Variants in EXOC5 observed in about 807,000 individuals in gnomAD.
EXOC5 encodes the protein SEC10-like 1.
Under a neutral mutation model 90.8 loss-of-function variants are expected in EXOC5, and 17 were observed. The ratio of observed to expected loss-of-function variants is 0.19; its 90% CI spans 0.13 to 0.28. The LOEUF is 0.28. EXOC5 is among the 10% of genes least tolerant of loss of function. EXOC5 has a pLI of 1.00. For synonymous variants in EXOC5, 260 were observed against 270.0 expected, an observed-to-expected ratio of 0.96 and a Z score of 0.36; for missense variants, 569 against 830.6, an observed-to-expected ratio of 0.69 and a Z score of 3.87.
At chr14:57,241,180 G>C (rs1209021495) in intron 4 of EXOC5, among the ~76,000 whole-genome samples, 1 of 152,134 alleles carries the variant, frequency 6.6e-6, no homozygotes, top group East Asian at 1.9e-4. Context: ...AAGTAGGCAT[G>C]TGAACTCTGA....
At position 57,261,366 on chromosome 14, in the gene EXOC5, A is replaced by G. The variant is rs112916940; in HGVS notation, c.27+7256T>C. Among the ~76,000 whole-genome samples the G allele has an allele frequency of 5.0e-4, 76 of 152,344 alleles. 1 individual carries two copies. The highest frequency in any genetic ancestry group is 1.8e-3 in the African/African-American group (73 of 41,580). On this transcript the variant is annotated intron_variant, in intron 1 of 17. Transcript: ENST00000621441. The stretch of plus-strand genomic sequence containing the variant: ...GATTAATTACACACATGTGCAGTCT[A>G]TAATACTGTCCTCAATTTAATGACT...
chr14:57,239,671 T>A lies in EXOC5; in HGVS notation c.466-12A>T. ...GCTGCTTCCTTTATCTATGAAAAAATAAATAAAAGCAATAATTTAAAAAAC... is the reference window on the plus strand; with the variant it reads ...GCTGCTTCCTTTATCTATGAAAAAAAAAATAAAAGCAATAATTTAAAAAAC... On this transcript the variant is annotated splice_polypyrimidine_tract_variant and intron_variant, in intron 4 of 17. Coordinates refer to ENST00000621441, the MANE Select transcript of EXOC5 (RefSeq NM_006544.4). The A allele has an allele frequency of 1.3e-6, 2 of 1,486,298 alleles. No individual in the cohort carries two copies. Among genetic ancestry groups the A allele is most frequent in the Non-Finnish European group, 1.8e-6 (2 of 1,109,190 alleles). The allele number at this position is 1,486,298 out of a possible 1,614,324, so 92.1% of individuals were successfully genotyped here. A position where few individuals can be genotyped will look rare whatever the true frequency, so the allele number is the denominator to read the frequency against.
chr14:57,253,216 T>G (rs1489753344), intron 1 of EXOC5, among the ~76,000 whole-genome samples: 2 of 152,116 alleles, frequency 1.3e-5, no homozygotes, highest in Admixed American at 1.3e-4. Context: ...ACTGAAAAAT[T>G]AGTTGCCATT....
At chr14:57,239,443 CAA>C (rs1883787849) in intron 5 of EXOC5, 150 bp downstream of exon 5, 1 of 578,724 alleles carries the variant, frequency 1.7e-6, no homozygotes, top group Admixed American at 3.6e-5. Context: ...GCATCTTGTA[CAA>C]AGTGAATAAA....
chr14:57,213,375 A>G (rs954994983), intron 15 of EXOC5, among the ~76,000 whole-genome samples: 1 of 151,688 alleles, frequency 6.6e-6, no homozygotes, highest in African/African-American at 2.4e-5. Flanking sequence ...GAGCAAGATC[A>G]TATCTCTAAA....
Position 57,268,783 on chromosome 14 carries a change from C to T in EXOC5, c.-135G>A. ...GGGCCGCTGCGGGCTCCCCAGCTCC[C>T]CACAGATCCCAGGAGGGGCGGGAGA... On this transcript the variant is annotated 5_prime_UTR_variant, in exon 1 of 18. Coordinates refer to ENST00000621441, the MANE Select transcript of EXOC5 (RefSeq NM_006544.4). 1 of 1,432,292 alleles carries T rather than the reference C, an allele frequency of 7.0e-7. No homozygotes were observed. The highest frequency in any genetic ancestry group is 9.1e-7 in the Non-Finnish European group (1 of 1,099,758). The allele number at this position is 1,432,292 out of a possible 1,614,324, so 88.7% of individuals were successfully genotyped here.
At position 57,251,093 on chromosome 14, in the gene EXOC5, T is replaced by C. The variant is rs573517273; in HGVS notation, c.28-3381A>G. Among the ~76,000 whole-genome samples the C allele has an allele frequency of 7.9e-5, 12 of 152,296 alleles. 1 individual carries two copies. The South Asian group carries it at 1.0e-3, about 13-fold the overall frequency. On this transcript the variant is annotated intron_variant, in intron 1 of 17. Coordinates refer to ENST00000621441, the MANE Select transcript of EXOC5 (RefSeq NM_006544.4). ...AGAATCTTTCTATTTTGGAACTCTG[T>C]AGGCTAGTGAAGGCTTATATCTTCC...
chr14:57,233,159 C>G (rs1001950191), intron 9 of EXOC5: 3 of 154,086 alleles, frequency 1.9e-5, no homozygotes, highest in East Asian at 1.9e-4. Flanking sequence ...GTTTCTTAGA[C>G]AGTAAATGTG....
rs980846117 is a variant in EXOC5, at chr14:57,229,699, C to T, written c.1296+35G>A. ...ATTCCCCACAGATATCAAGGAACAACTGTATATGTAAAATACATTTACAAT... is the reference window on the plus strand; with the variant it reads ...ATTCCCCACAGATATCAAGGAACAATTGTATATGTAAAATACATTTACAAT... On this transcript the variant is annotated intron_variant, in intron 12 of 17. Transcript: ENST00000621441. 1.0e-5 allele frequency: 14 copies of T among 1,391,562 alleles called. No individual in the cohort carries two copies. In the African/African-American group the frequency reaches 1.7e-4, roughly 17 times the overall value. 86.2% of individuals were successfully genotyped at this position (1,391,562 alleles called of 1,614,324 possible).
intron 15 of EXOC5, chr14:57,211,755 C>G (rs961048886): frequency 7.3e-5 from 11 of 151,438 alleles, no homozygotes; most frequent in African/African-American, 2.2e-4. Flanking sequence ...TGCCAGTAGT[C>G]CCAGCTACTC....
intron 1 of EXOC5, among the ~76,000 whole-genome samples, chr14:57,251,223 T>C (rs1884181355): frequency 1.3e-5 from 2 of 152,270 alleles, no homozygotes; most frequent in East Asian, 3.9e-4. Flanking sequence ...CAGAGTGCTG[T>C]CCAAAAATTC....
chr14:57,241,737 C>T (rs1883863811), intron 4 of EXOC5, among the ~76,000 whole-genome samples: 1 of 152,054 alleles, frequency 6.6e-6, no homozygotes, highest in Non-Finnish European at 1.5e-5. Flanking sequence ...TAGTTATTGA[C>T]ATTTGGGTGA....
intron 3 of EXOC5, 111 bp from the exon 4 acceptor site, chr14:57,244,470 A>T: frequency 1.3e-6 from 1 of 787,994 alleles, no homozygotes; most frequent in South Asian, 1.6e-5. Flanking sequence ...ATACGAGATG[A>T]TCTACAAAAT....
chr14:57,259,734 C>A (rs1275368283), intron 1 of EXOC5, among the ~76,000 whole-genome samples: 1 of 152,192 alleles, frequency 6.6e-6, no homozygotes, highest in East Asian at 1.9e-4. Flanking sequence ...CAACACAGAA[C>A]ATTACTAATT....
Position 57,205,807 on chromosome 14 carries a change from T to C in EXOC5, c.*2802A>G. The C allele has an allele frequency of 2.3e-6, 1 of 431,804 alleles. No individual in the cohort carries two copies. Among genetic ancestry groups the C allele is most frequent in the Middle Eastern group, 3.4e-4 (1 of 2,946 alleles). The allele number at this position is 431,804 out of a possible 1,614,324, so 26.7% of individuals were successfully genotyped here. On this transcript the variant is annotated 3_prime_UTR_variant, in exon 18 of 18. Coordinates refer to ENST00000621441, the MANE Select transcript of EXOC5 (RefSeq NM_006544.4). ...TAACCTAATTTAAATTAGATTTTAATTTAACCTACTTTGATAGTTTTTTAA... is the reference window on the plus strand; with the variant it reads ...TAACCTAATTTAAATTAGATTTTAACTTAACCTACTTTGATAGTTTTTTAA...
intron 1 of EXOC5, among the ~76,000 whole-genome samples, chr14:57,263,985 A>G (rs2139673894): frequency 1.3e-5 from 2 of 152,252 alleles, no homozygotes; most frequent in Middle Eastern, 6.8e-3. Context: ...TTACTAAATG[A>G]AACCTTTCCT....
At chr14:57,220,450 T>C (rs1419465152) in intron 13 of EXOC5, among the ~76,000 whole-genome samples, 1 of 152,078 alleles carries the variant, frequency 6.6e-6, no homozygotes, top group East Asian at 1.9e-4. Flanking sequence ...TTAAAGAATA[T>C]TCAATAATTA....
At position 57,209,648 on chromosome 14, in the gene EXOC5, T is replaced by C. The variant is rs201870924; in HGVS notation, c.1857A>G (p.Gln619=). The change falls in exon 17 of 18, where the codon CAA becomes CAG. Residue 619 remains glutamine (Q), a synonymous_variant. Transcript: ENST00000621441. ...CACCCATACAACTGTAGGAATATTG[T>C]TGAAGATGCTCATAGATAAGTCGAT... ...RFHRLIYEHL[Q]QYSYSCMGGM... 4.1e-4 allele frequency: 654 copies of C among 1,613,338 alleles called. 4 individuals carry two copies. The Middle Eastern group carries it at 0.013, about 33-fold the overall frequency.
chr14:57,202,864 A>G lies in EXOC5; in HGVS notation c.*5745T>C, dbSNP rs539013150. 4.6e-5 allele frequency: 7 copies of G among 152,328 alleles called. No individual in the cohort carries two copies. The East Asian group carries it at 7.7e-4, about 17-fold the overall frequency. 9.4% of individuals were successfully genotyped at this position (152,328 alleles called of 1,614,324 possible). On this transcript the variant is annotated 3_prime_UTR_variant, in exon 18 of 18. Coordinates refer to ENST00000621441, the MANE Select transcript of EXOC5 (RefSeq NM_006544.4). ...CTATTTTTAAAATAAAAAAATGTAC[A>G]TATTACTATAAAAATAACTTCTCCC...
Sources: gnomAD v4.1 joint callset for allele counts (sites outside exome capture counted in the v4.1 genomes callset) on GRCh38, gnomAD v4.1.1 for gene constraint, MANE v1.5 for transcripts, NCBI Gene and HGNC (gene_info 2026-07-23, HGNC 2026-07-21) for gene names.